Variants in RAB33A observed in about 807,000 individuals in gnomAD.
RAB33A encodes the protein ras-related protein Rab-33A.
Under a neutral mutation model 12.0 loss-of-function variants are expected in RAB33A, and 6 were observed. The observed-to-expected ratio is 0.50, with a 90% CI of 0.27 to 0.99. The LOEUF (loss-of-function observed/expected upper bound fraction) is 0.99, where lower values mean the gene tolerates loss of function less well. RAB33A is among the 50% of genes least tolerant of loss of function. RAB33A has a pLI of 0.11. For synonymous variants in RAB33A, 70 were observed against 82.4 expected (o/e 0.85, Z 0.81); for missense variants, 109 against 192.0 (o/e 0.57, Z 2.55).
At chrX:130,155,410 G>A in the RAB33A span, 23 of 793,563 alleles carry the variant, frequency 2.9e-5, no homozygotes, top group Admixed American at 3.5e-4. Flanking sequence ...AAAGGAAAAA[G>A]AAAAAAATGC....
chrX:130,121,257 T>C, the RAB33A span, among the ~76,000 whole-genome samples: 41 of 103,761 alleles, frequency 4.0e-4, no homozygotes, highest in East Asian at 7.2e-3. Context: ...CTTTTCTTTT[T>C]TTTTTTTTTT....
chrX:130,169,216 A>G (rs967733453), upstream of RAB33A, among the ~76,000 whole-genome samples: 219 of 110,396 alleles, frequency 2.0e-3, no homozygotes, highest in African/African-American at 7.0e-3. Context: ...TCAAAAAAAA[A>G]AAAAAAAAGT....
At chrX:130,120,614 C>T in the RAB33A span, among the ~76,000 whole-genome samples, 1 of 112,244 alleles carries the variant, frequency 8.9e-6, no homozygotes, top group Non-Finnish European at 1.9e-5. Flanking sequence ...CGAGGTGGCT[C>T]GAGGGACTTT....
the RAB33A span, among the ~76,000 whole-genome samples, chrX:130,148,466 T>TATAC: frequency 9.0e-6 from 1 of 111,451 alleles, no homozygotes; most frequent in African/African-American, 3.3e-5. Flanking sequence ...GGAAAGCAAA[T>TATAC]ATACCTTTAG....
chrX:130,129,963 C>A, the RAB33A span: 25 of 1,209,543 alleles, frequency 2.1e-5, no homozygotes, highest in African/African-American at 5.2e-5. Context: ...TTATGACAGG[C>A]ACCTACCTTC....
At chrX:130,171,481 G>A (rs781089367), upstream of RAB33A, among the ~76,000 whole-genome samples, 183 of 112,264 alleles carry the variant, frequency 1.6e-3, 4 homozygotes, top group Non-Finnish European at 3.1e-3. Context: ...GCAGCTCTTT[G>A]TCCTCCCCAG....
the RAB33A span, chrX:130,130,063 G>C: frequency 1.7e-6 from 2 of 1,209,988 alleles, no homozygotes; most frequent in African/African-American, 3.5e-5. Context: ...CTTTGCCGTA[G>C]TCCTCCCCCT....
chrX:130,148,871 C>A, the RAB33A span, among the ~76,000 whole-genome samples: 1 of 91,274 alleles, frequency 1.1e-5, no homozygotes, highest in East Asian at 3.9e-4. Flanking sequence ...GTTTTCATCT[C>A]TTTTCCATCT....
chrX:130,146,451 ATGTGTGTGTGTG>A, the RAB33A span, among the ~76,000 whole-genome samples: 14 of 89,439 alleles, frequency 1.6e-4, no homozygotes, highest in South Asian at 1.8e-3. Context: ...CTCTCAAAAT[ATGTGTGTGTGTG>A]TGTGTGTGTG....
the RAB33A span, among the ~76,000 whole-genome samples, chrX:130,155,821 A>G: frequency 8.9e-6 from 1 of 111,803 alleles, no homozygotes; most frequent in Non-Finnish European, 1.9e-5. Context: ...CACCCACAAA[A>G]TAATTCCTCT....
chrX:130,132,303 C>T, the RAB33A span, among the ~76,000 whole-genome samples: 1 of 112,291 alleles, frequency 8.9e-6, no homozygotes, highest in South Asian at 3.7e-4. Flanking sequence ...TTTGACTTTT[C>T]CTTAAAAAGC....
At chrX:130,181,212 T>A (rs184933661) in intron 1 of RAB33A, among the ~76,000 whole-genome samples, 1 of 109,625 alleles carries the variant, frequency 9.1e-6, no homozygotes, top group African/African-American at 3.3e-5. Flanking sequence ...GGAAGCTGTG[T>A]CAATAGAGGG....
At chrX:130,143,416 A>G in the RAB33A span, among the ~76,000 whole-genome samples, 2 of 111,955 alleles carry the variant, frequency 1.8e-5, no homozygotes, top group African/African-American at 6.5e-5. Flanking sequence ...CCACTCAGAC[A>G]TGCAGGCTAG....
the RAB33A span, among the ~76,000 whole-genome samples, chrX:130,111,682 G>A: frequency 8.9e-6 from 1 of 111,847 alleles, no homozygotes; most frequent in Non-Finnish European, 1.9e-5. Context: ...CAAGTGCAAA[G>A]AGAGCCAGAG....
At chrX:130,120,837 C>T in the RAB33A span, among the ~76,000 whole-genome samples, 1 of 113,185 alleles carries the variant, frequency 8.8e-6, no homozygotes, top group South Asian at 3.5e-4. Flanking sequence ...AGCGTGCCCA[C>T]CCGCCCAGCA....
chrX:130,145,816 A>G, the RAB33A span, among the ~76,000 whole-genome samples: 1 of 111,783 alleles, frequency 8.9e-6, no homozygotes, highest in African/African-American at 3.3e-5. Flanking sequence ...CTGGGTTGTA[A>G]TAACTTGGGT....
the RAB33A span, chrX:130,131,648 C>G: frequency 8.3e-7 from 1 of 1,211,431 alleles, no homozygotes; most frequent in Non-Finnish European, 1.1e-6. Flanking sequence ...TCAACACTCT[C>G]CAAGAGGAGT....
chrX:130,137,468 G>A, the RAB33A span: 3 of 1,165,750 alleles, frequency 2.6e-6, no homozygotes, highest in Non-Finnish European at 3.4e-6. Context: ...TTACATAAGT[G>A]CTTTGCAACC....
At chrX:130,179,832 C>T (rs919666792) in intron 1 of RAB33A, among the ~76,000 whole-genome samples, 3 of 102,506 alleles carry the variant, frequency 2.9e-5, no homozygotes, top group Admixed American at 1.1e-4. Context: ...ACCTCAGTGA[C>T]GAGTGTGGTC....
Sources: allele counts gnomAD v4.1 joint callset (sites outside exome capture counted in the v4.1 genomes callset), GRCh38; gene constraint gnomAD v4.1.1; transcripts MANE v1.5; gene names NCBI Gene and HGNC (gene_info 2026-07-23, HGNC 2026-07-21).